The following GRM8 variants were observed in gnomAD, a reference collection of about 807,000 sequenced individuals.
GRM8 encodes the protein metabotropic glutamate receptor 8.
A neutral mutation model predicts 87.2 loss-of-function variants in GRM8; 47 were observed. The observed-to-expected ratio is 0.54, with a 90% CI of 0.43 to 0.69. The LOEUF (loss-of-function observed/expected upper bound fraction) is 0.69, where lower values mean the gene tolerates loss of function less well. Among genes scored for constraint, GRM8 ranks in the 30% least tolerant of loss-of-function variants. The pLI, the probability that GRM8 is intolerant of heterozygous loss-of-function variation, is 0.00. For missense variants in GRM8, 1,019 were observed against 1,139.2 expected, an observed-to-expected ratio of 0.89 and a Z score of 1.52; for synonymous variants, 396 against 404.5, an observed-to-expected ratio of 0.98 and a Z score of 0.25.
chr7:126,501,320 A>T (rs1001740047), intron 9 of GRM8, among the ~76,000 whole-genome samples: 1 of 151,972 alleles, frequency 6.6e-6, no homozygotes, highest in African/African-American at 2.4e-5. Flanking sequence ...TTTTCAGTTG[A>T]TTTTTTCAAC....
intron 2 of GRM8, among the ~76,000 whole-genome samples, chr7:127,210,681 C>T (rs543690114): frequency 1.3e-5 from 2 of 152,322 alleles, no homozygotes; most frequent in South Asian, 2.1e-4. Flanking sequence ...AGCTTCTAGC[C>T]TAACACTCTT....
intron 8 of GRM8, among the ~76,000 whole-genome samples, chr7:126,542,629 C>A (rs1326543570): frequency 6.6e-6 from 1 of 152,150 alleles, no homozygotes; most frequent in Non-Finnish European, 1.5e-5. Context: ...ATGATTAGAA[C>A]ATGGTGTGTA....
chr7:126,545,248 G>A (rs1250476042), intron 8 of GRM8, among the ~76,000 whole-genome samples: 1 of 152,178 alleles, frequency 6.6e-6, no homozygotes, highest in Non-Finnish European at 1.5e-5. Context: ...TAAATGGGAT[G>A]TAATAACCTT....
chr7:126,590,971 T>C (rs1286659682), intron 8 of GRM8, among the ~76,000 whole-genome samples: 2 of 151,762 alleles, frequency 1.3e-5, no homozygotes, highest in Non-Finnish European at 2.9e-5. Context: ...CATAAATTTT[T>C]TTTTTAAAAA....
At chr7:126,486,081 C>T (rs553158538) in intron 9 of GRM8, among the ~76,000 whole-genome samples, 4 of 152,090 alleles carry the variant, frequency 2.6e-5, no homozygotes, top group African/African-American at 9.6e-5. Context: ...AATATAATTG[C>T]AGCTCATTCA....
At chr7:127,064,589 CT>C (rs1820927534) in intron 3 of GRM8, among the ~76,000 whole-genome samples, 1 of 152,120 alleles carries the variant, frequency 6.6e-6, no homozygotes, top group Admixed American at 6.6e-5. Flanking sequence ...CACTCTGTCC[CT>C]TTTAAGTGGG....
chr7:127,209,208 G>A (rs1796077854), intron 2 of GRM8, among the ~76,000 whole-genome samples: 2 of 152,166 alleles, frequency 1.3e-5, no homozygotes, highest in Non-Finnish European at 2.9e-5. Flanking sequence ...AAATTGCTAG[G>A]AAGTAAATCC....
Position 126,903,755 on chromosome 7 carries a change from G to GTA in GRM8, c.1018+215_1018+216dup, listed in dbSNP as rs1219504080. ...TATGTGTATATATATATGTATATGTGTATATATATATGTGTGTGTGTATAT... is the reference window on the plus strand; with the variant it reads ...TATGTGTATATATATATGTATATGTGTATATATATATATGTGTGTGTGTATAT... On this transcript the variant is annotated intron_variant, in intron 5 of 10. Transcript: ENST00000339582. 7.6e-5 allele frequency among the ~76,000 whole-genome samples: 8 copies of GTA among 105,126 alleles called. 1 individual carries two copies. Among genetic ancestry groups the GTA allele is most frequent in the African/African-American group, 2.6e-4 (7 of 27,436 alleles). 69.0% of individuals were successfully genotyped at this position (105,126 alleles called of 152,430 possible). A position where few individuals can be genotyped will look rare whatever the true frequency, so the allele number is the denominator to read the frequency against.
intron 3 of GRM8, among the ~76,000 whole-genome samples, chr7:126,913,839 G>C (rs1803576594): frequency 6.6e-6 from 1 of 152,212 alleles, no homozygotes; most frequent in African/African-American, 2.4e-5. Flanking sequence ...TCAGCTTAAA[G>C]TGTACTTTGC....
chr7:126,815,156 T>C (rs1465846683), intron 6 of GRM8, among the ~76,000 whole-genome samples: 2 of 152,126 alleles, frequency 1.3e-5, no homozygotes, highest in East Asian at 3.8e-4. Context: ...TCATGAATAA[T>C]TCTTTTTGTC....
chr7:126,443,368 A>G (rs1448343777), intron 10 of GRM8, among the ~76,000 whole-genome samples: 1 of 152,044 alleles, frequency 6.6e-6, no homozygotes, highest in Admixed American at 6.6e-5. Flanking sequence ...CGTATTACTT[A>G]TATTTACTCT....
chr7:126,481,948 T>C (rs2150597067), intron 9 of GRM8, among the ~76,000 whole-genome samples: 1 of 152,060 alleles, frequency 6.6e-6, no homozygotes, highest in Non-Finnish European at 1.5e-5. Flanking sequence ...AATTTAAAAA[T>C]TAGGGGAAAA....
intron 6 of GRM8, among the ~76,000 whole-genome samples, chr7:126,867,951 C>G (rs1478444674): frequency 1.3e-5 from 2 of 152,182 alleles, no homozygotes; most frequent in Non-Finnish European, 2.9e-5. Context: ...CCTAAGGATA[C>G]TTTCTATCAT....
chr7:126,525,132 T>C (rs1813639133), intron 9 of GRM8, among the ~76,000 whole-genome samples: 2 of 152,208 alleles, frequency 1.3e-5, no homozygotes, highest in Non-Finnish European at 2.9e-5. Flanking sequence ...GTCTGTTTTC[T>C]TTGTTTGAGA....
At chr7:126,637,055 CTT>C (rs1467868974) in intron 7 of GRM8, among the ~76,000 whole-genome samples, 1 of 151,894 alleles carries the variant, frequency 6.6e-6, no homozygotes, top group Non-Finnish European at 1.5e-5. Flanking sequence ...AAAAATAACA[CTT>C]TATTGGCCCA....
intron 2 of GRM8, among the ~76,000 whole-genome samples, chr7:127,143,770 C>T (rs1828403604): frequency 6.6e-6 from 1 of 152,122 alleles, no homozygotes; most frequent in South Asian, 2.1e-4. Context: ...ACTTATTTTA[C>T]AGGCCTATGC....
chr7:126,551,446 G>A (rs1792575635), intron 8 of GRM8, among the ~76,000 whole-genome samples: 1 of 152,056 alleles, frequency 6.6e-6, no homozygotes, highest in Non-Finnish European at 1.5e-5. Context: ...CTTTGTCAGA[G>A]GTCCCAACTA....
At chr7:126,701,935 T>C (rs1364724165) in intron 7 of GRM8, 1 of 382,556 alleles carries the variant, frequency 2.6e-6, no homozygotes, top group East Asian at 7.3e-5. Flanking sequence ...AGTATAATTA[T>C]TAATCATGCT....
chr7:127,162,383 T>G (rs1311068454), intron 2 of GRM8, among the ~76,000 whole-genome samples: 1 of 152,196 alleles, frequency 6.6e-6, no homozygotes, highest in East Asian at 1.9e-4. Flanking sequence ...TTTTCCCACT[T>G]ATTCCTATTT....
Sources: gnomAD v4.1 joint callset for allele counts (sites outside exome capture counted in the v4.1 genomes callset) on GRCh38, gnomAD v4.1.1 for gene constraint, MANE v1.5 for transcripts, NCBI Gene and HGNC (gene_info 2026-07-23, HGNC 2026-07-21) for gene names.